Variants in GMDS observed in about 807,000 individuals in gnomAD.
GMDS encodes GDP-mannose 4,6 dehydratase.
GMDS carries 20 observed loss-of-function variants against 49.9 expected under a neutral mutation model. The ratio of observed to expected loss-of-function variants is 0.40; its 90% CI spans 0.28 to 0.58. The LOEUF is 0.58. Ranked by LOEUF, GMDS falls within the 20% of genes least tolerant of loss-of-function variation. GMDS has a pLI of 0.42. For missense variants in GMDS, 362 were observed against 481.4 expected (o/e 0.75, Z 2.32); for synonymous variants, 177 against 178.6 (o/e 0.99, Z 0.07).
chr6:1,891,407 T>G (rs549258372), intron 7 of GMDS, among the ~76,000 whole-genome samples: 1 of 152,322 alleles, frequency 6.6e-6, no homozygotes, highest in East Asian at 1.9e-4. Flanking sequence ...AATGGCTGTG[T>G]CAGAACAAGA....
intron 4 of GMDS, among the ~76,000 whole-genome samples, chr6:1,988,484 C>A (rs1765703816): frequency 6.6e-6 from 1 of 152,086 alleles, no homozygotes; most frequent in Non-Finnish European, 1.5e-5. Flanking sequence ...AGGGGGGCTC[C>A]AAACCCAGGG....
intron 1 of GMDS, among the ~76,000 whole-genome samples, chr6:2,154,602 T>A (rs1777008275): frequency 1.3e-5 from 2 of 151,974 alleles, no homozygotes; most frequent in South Asian, 4.1e-4. Flanking sequence ...CCACCTAAAC[T>A]TAGGCCACTC....
intron 1 of GMDS, among the ~76,000 whole-genome samples, chr6:2,239,879 G>A (rs1431517860): frequency 1.3e-5 from 2 of 152,122 alleles, no homozygotes; most frequent in East Asian, 3.9e-4. Context: ...GTAGAGACAG[G>A]GTTTCACTAT....
At chr6:2,176,083 G>T in intron 1 of GMDS, 1 of 1,030,406 alleles carries the variant, frequency 9.7e-7, no homozygotes, top group Non-Finnish European at 1.4e-6. Context: ...AATGCACACT[G>T]ACAACATGTA....
intron 7 of GMDS, among the ~76,000 whole-genome samples, chr6:1,850,233 T>C (rs1581254429): frequency 6.6e-6 from 1 of 152,206 alleles, no homozygotes; most frequent in East Asian, 1.9e-4. Context: ...ATTCCTAGAC[T>C]GTGTTAAAAG....
intron 7 of GMDS, among the ~76,000 whole-genome samples, chr6:1,765,772 C>T (rs1561790746): frequency 6.6e-6 from 1 of 152,154 alleles, no homozygotes; most frequent in East Asian, 1.9e-4. Flanking sequence ...GCCAGATTCT[C>T]GCTGGTGCCC....
intron 4 of GMDS, among the ~76,000 whole-genome samples, chr6:2,033,748 A>G (rs958211773): frequency 2.0e-5 from 3 of 152,220 alleles, no homozygotes; most frequent in African/African-American, 7.2e-5. Flanking sequence ...TAAGTTGCAC[A>G]AAGAATCACT....
At chr6:2,082,485 T>C (rs1043932070) in intron 4 of GMDS, among the ~76,000 whole-genome samples, 6 of 152,206 alleles carry the variant, frequency 3.9e-5, no homozygotes, top group Non-Finnish European at 8.8e-5. Flanking sequence ...GCTCCTATCA[T>C]GTCCCCTCCA....
chr6:1,722,469 T>C (rs1010750066), intron 9 of GMDS, among the ~76,000 whole-genome samples: 2 of 145,204 alleles, frequency 1.4e-5, no homozygotes, highest in Non-Finnish European at 3.1e-5. Context: ...TCCTAGGGTC[T>C]AGCACAGTGT....
intron 7 of GMDS, among the ~76,000 whole-genome samples, chr6:1,774,193 G>T (rs1266513336): frequency 6.6e-6 from 1 of 152,166 alleles, no homozygotes; most frequent in Non-Finnish European, 1.5e-5. Flanking sequence ...TAGCTGTAAT[G>T]TTCATATAAA....
intron 7 of GMDS, among the ~76,000 whole-genome samples, chr6:1,876,312 G>A (rs557134787): frequency 3.3e-5 from 5 of 152,226 alleles, no homozygotes; most frequent in South Asian, 4.2e-4. Context: ...TATGTTTTCT[G>A]CTATGCTCGG....
chr6:1,646,272 T>C (rs1234816564), intron 9 of GMDS, among the ~76,000 whole-genome samples: 2 of 152,186 alleles, frequency 1.3e-5, no homozygotes, highest in African/African-American at 2.4e-5. Context: ...CCTTGGAGGA[T>C]GACAGCATCC....
intron 9 of GMDS, among the ~76,000 whole-genome samples, chr6:1,683,591 C>A (rs922487185): frequency 2.0e-5 from 3 of 152,188 alleles, no homozygotes; most frequent in Non-Finnish European, 4.4e-5. Context: ...GTGACCACTG[C>A]CCTCATGGCT....
At chr6:1,712,593 A>G (rs976578828) in intron 9 of GMDS, among the ~76,000 whole-genome samples, 3 of 152,244 alleles carry the variant, frequency 2.0e-5, no homozygotes, top group African/African-American at 7.2e-5. Context: ...CGCAGCAGAC[A>G]TAATGGCTTA....
At chr6:1,920,452 A>C (rs1761658526) in intron 7 of GMDS, among the ~76,000 whole-genome samples, 1 of 152,250 alleles carries the variant, frequency 6.6e-6, no homozygotes, top group South Asian at 2.1e-4. Context: ...TGTGTATAGG[A>C]AAGAGACAGA....
intron 9 of GMDS, among the ~76,000 whole-genome samples, chr6:1,647,821 C>T (rs896062068): frequency 6.6e-6 from 1 of 152,166 alleles, no homozygotes; most frequent in Non-Finnish European, 1.5e-5. Flanking sequence ...CTGGAATGTC[C>T]TTCTCAGCAT....
intron 7 of GMDS, among the ~76,000 whole-genome samples, chr6:1,901,764 T>A (rs1176028039): frequency 6.6e-6 from 1 of 152,202 alleles, no homozygotes; most frequent in Non-Finnish European, 1.5e-5. Context: ...TATACTGAGC[T>A]CATCCTATGT....
At chr6:2,084,888 C>A (rs1772923530) in intron 4 of GMDS, among the ~76,000 whole-genome samples, 1 of 152,100 alleles carries the variant, frequency 6.6e-6, no homozygotes, top group Non-Finnish European at 1.5e-5. Flanking sequence ...GAGGACTATC[C>A]CCTTCATCAG....
chr6:1,627,197 A>G (rs1054289673), intron 9 of GMDS, among the ~76,000 whole-genome samples: 2 of 152,238 alleles, frequency 1.3e-5, no homozygotes, highest in Non-Finnish European at 2.9e-5. Flanking sequence ...CTTGTTTTAC[A>G]CTTAACTGTT....
Sources: allele counts gnomAD v4.1 joint callset (sites outside exome capture counted in the v4.1 genomes callset), GRCh38; gene constraint gnomAD v4.1.1; transcripts MANE v1.5; gene names NCBI Gene and HGNC (gene_info 2026-07-23, HGNC 2026-07-21).